Variants in ZBTB20 observed in about 807,000 individuals in gnomAD.
The protein encoded by ZBTB20 is zinc finger and BTB domain-containing protein 20.
ZBTB20 carries 9 observed loss-of-function variants against 56.9 expected under a neutral mutation model. The observed-to-expected ratio is 0.16, with a 90% confidence interval of 0.10 to 0.28. The LOEUF (loss-of-function observed/expected upper bound fraction) is 0.28. Ranked by LOEUF, ZBTB20 falls within the 10% of genes least tolerant of loss-of-function variation. The pLI, the probability that ZBTB20 is intolerant of heterozygous loss-of-function variation, is 1.00. For missense variants in ZBTB20, 655 were observed against 1,003.0 expected (o/e 0.65, Z 4.69); for synonymous variants, 417 against 420.7 (o/e 0.99, Z 0.11).
intron 2 of ZBTB20, among the ~76,000 whole-genome samples, chr3:115,039,126 A>G (rs1296558754): frequency 6.6e-6 from 1 of 152,050 alleles, no homozygotes; most frequent in Non-Finnish European, 1.5e-5. Flanking sequence ...ACAGAATAAC[A>G]GTATCTAGAA....
At chr3:114,769,399 A>G (rs1419365117) in intron 5 of ZBTB20, among the ~76,000 whole-genome samples, 1 of 151,422 alleles carries the variant, frequency 6.6e-6, no homozygotes, top group East Asian at 1.9e-4. Context: ...TCATACATAT[A>G]TACTATATAC....
At chr3:114,685,168 A>G (rs1225209719) in intron 6 of ZBTB20, among the ~76,000 whole-genome samples, 1 of 152,068 alleles carries the variant, frequency 6.6e-6, no homozygotes, top group Non-Finnish European at 1.5e-5. Context: ...GGCTTCAGTG[A>G]TGGAAAAGAA....
At chr3:114,871,315 T>C (rs1246876764) in intron 4 of ZBTB20, among the ~76,000 whole-genome samples, 1 of 152,126 alleles carries the variant, frequency 6.6e-6, no homozygotes, top group African/African-American at 2.4e-5. Context: ...TGGATAGATG[T>C]TCACCCCCAA....
intron 2 of ZBTB20, among the ~76,000 whole-genome samples, chr3:115,023,504 G>A (rs1413850750): frequency 6.6e-6 from 1 of 150,478 alleles, no homozygotes; most frequent in Non-Finnish European, 1.5e-5. Flanking sequence ...ACCTTTCCCT[G>A]TCTCTGCTAT....
chr3:115,107,586 G>A lies in ZBTB20; in HGVS notation c.-702-36172C>T, dbSNP rs997664426. Among the ~76,000 whole-genome samples, 7 of 152,276 alleles carry A rather than the reference G, an allele frequency of 4.6e-5. 1 individual carries two copies. The highest frequency in any genetic ancestry group is 7.4e-5 in the Non-Finnish European group (5 of 68,024). ...CAACCATTGTGGAAGACAGTGTGGCGATTCCTCAAGGATCTAGAACCAGAA... is the reference window on the plus strand; with the variant it reads ...CAACCATTGTGGAAGACAGTGTGGCAATTCCTCAAGGATCTAGAACCAGAA... On this transcript the variant is annotated intron_variant, in intron 1 of 11. Coordinates refer to ENST00000675478, the MANE Select transcript of ZBTB20 (RefSeq NM_001348800.3).
chr3:114,634,793 G>C (rs2059163139), intron 6 of ZBTB20, among the ~76,000 whole-genome samples: 1 of 152,206 alleles, frequency 6.6e-6, no homozygotes. Flanking sequence ...CACAGAAAGT[G>C]AGATTGGAGT....
chr3:114,831,789 A>T lies in ZBTB20; in HGVS notation c.-416-30615T>A, dbSNP rs530575910. 4.6e-5 allele frequency among the ~76,000 whole-genome samples: 7 copies of T among 152,110 alleles called. No individual in the cohort carries two copies. In the South Asian group the frequency reaches 1.5e-3, roughly 32 times the overall value. ...ATGTGCTTCTAGTCCCAACTCTTTC[A>T]AACACTCCAGATGAAAGATCTTGGA... On this transcript the variant is annotated intron_variant, in intron 4 of 11. Transcript: ENST00000675478.
intron 7 of ZBTB20, among the ~76,000 whole-genome samples, chr3:114,393,861 G>A (rs1372955594): frequency 6.6e-6 from 1 of 152,204 alleles, no homozygotes; most frequent in Non-Finnish European, 1.5e-5. Context: ...CGAACAGACA[G>A]TAGGTCACTT....
At chr3:115,015,101 C>G (rs2079890965) in intron 2 of ZBTB20, among the ~76,000 whole-genome samples, 1 of 151,614 alleles carries the variant, frequency 6.6e-6, no homozygotes, top group African/African-American at 2.4e-5. Context: ...CTCAGATGCC[C>G]TATATGCTAT....
chr3:114,973,892 C>T (rs2077990997), intron 3 of ZBTB20, among the ~76,000 whole-genome samples: 1 of 152,036 alleles, frequency 6.6e-6, no homozygotes, highest in African/African-American at 2.4e-5. Flanking sequence ...CTATCAGTAG[C>T]CACTAAATCT....
chr3:115,111,415 T>A (rs532202659), intron 1 of ZBTB20, among the ~76,000 whole-genome samples: 5 of 152,200 alleles, frequency 3.3e-5, no homozygotes, highest in African/African-American at 1.2e-4. Context: ...TGATGTTTTA[T>A]CTGAAGGTCA....
At chr3:114,385,885 A>G (rs1301504011) in intron 8 of ZBTB20, among the ~76,000 whole-genome samples, 2 of 152,198 alleles carry the variant, frequency 1.3e-5, no homozygotes, top group Non-Finnish European at 2.9e-5. Flanking sequence ...ATTTCCCTTC[A>G]TTTCAGTAAT....
Position 114,332,899 on chromosome 3 carries a change from T to C in ZBTB20, c.*6106A>G, listed in dbSNP as rs889605476. ...TTTCTTGTTTCAACCCAGGGCATTT[T>C]TACCCATCATGCAGTGAGGAGAAAA... On this transcript the variant is annotated 3_prime_UTR_variant, in exon 12 of 12. Transcript: ENST00000675478. The C allele has an allele frequency of 1.3e-5, 2 of 151,298 alleles. No individual in the cohort carries two copies. Among genetic ancestry groups the C allele is most frequent in the Non-Finnish European group, 2.9e-5 (2 of 67,938 alleles). 9.4% of individuals were successfully genotyped at this position (151,298 alleles called of 1,614,324 possible).
At chr3:115,143,605 G>A (rs1214153689) in intron 1 of ZBTB20, among the ~76,000 whole-genome samples, 1 of 152,100 alleles carries the variant, frequency 6.6e-6, no homozygotes, top group African/African-American at 2.4e-5. Flanking sequence ...AGATATTCTA[G>A]CTTTTGTTTT....
intron 1 of ZBTB20, among the ~76,000 whole-genome samples, chr3:115,079,638 C>T (rs1475527174): frequency 1.4e-4 from 21 of 152,118 alleles, no homozygotes; most frequent in Non-Finnish European, 1.6e-4. Flanking sequence ...AAGTGATCCA[C>T]CCACCTTGGC....
intron 5 of ZBTB20, chr3:114,743,428 G>A (rs2108606918): frequency 6.5e-6 from 1 of 153,154 alleles, no homozygotes; most frequent in African/African-American, 2.4e-5. Context: ...GAAAATGTCT[G>A]TAGTAGGAAG....
chr3:114,495,826 G>A (rs2043225804), intron 7 of ZBTB20, among the ~76,000 whole-genome samples: 1 of 152,306 alleles, frequency 6.6e-6, no homozygotes, highest in South Asian at 2.1e-4. Context: ...CAACCTAAAT[G>A]CATAAAAGTA....
chr3:114,564,072 C>T (rs2052423145), intron 6 of ZBTB20, among the ~76,000 whole-genome samples: 1 of 152,094 alleles, frequency 6.6e-6, no homozygotes. Context: ...TATTCATTGG[C>T]TCATGATCTA....
At chr3:114,826,479 C>T (rs574578073) in intron 4 of ZBTB20, among the ~76,000 whole-genome samples, 43 of 151,846 alleles carry the variant, frequency 2.8e-4, no homozygotes, top group African/African-American at 1.0e-3. Context: ...GTTCCATATG[C>T]TTTATTAGCA....
Sources: gnomAD v4.1 joint callset for allele counts (sites outside exome capture counted in the v4.1 genomes callset) on GRCh38, gnomAD v4.1.1 for gene constraint, MANE v1.5 for transcripts, NCBI Gene and HGNC (gene_info 2026-07-23, HGNC 2026-07-21) for gene names.